Variants in MACROD1 observed in about 807,000 individuals in gnomAD.
MACROD1 encodes the protein ADP-ribose glycohydrolase MACROD1.
In MACROD1, 31 loss-of-function variants were observed where a neutral mutation model predicts 41.4. The observed-to-expected ratio is 0.75, with a 90% confidence interval of 0.56 to 1.01. MACROD1 has a LOEUF of 1.01. Ranked by LOEUF, MACROD1 falls within the 50% of genes least tolerant of loss-of-function variation. The probability of loss-of-function intolerance (pLI) is 0.00; values close to 1 mark genes in which losing one functional copy is unlikely to be tolerated. For synonymous variants in MACROD1, 252 were observed against 203.4 expected (o/e 1.24, Z -2.03); for missense variants, 473 against 460.0 (o/e 1.03, Z -0.26).
At chr11:64,029,476 C>A (rs1054098652) in intron 3 of MACROD1, among the ~76,000 whole-genome samples, 1 of 152,134 alleles carries the variant, frequency 6.6e-6, no homozygotes, top group Non-Finnish European at 1.5e-5. Flanking sequence ...TGTCTTGGGG[C>A]TGCCACCCTC....
At chr11:64,077,481 A>G (rs1944223810) in intron 3 of MACROD1, among the ~76,000 whole-genome samples, 1 of 151,708 alleles carries the variant, frequency 6.6e-6, no homozygotes, top group Admixed American at 6.6e-5. Flanking sequence ...CTCAGGACCC[A>G]GGTACTGATG....
chr11:64,050,791 G>T (rs1452741388), intron 3 of MACROD1, among the ~76,000 whole-genome samples: 1 of 152,204 alleles, frequency 6.6e-6, no homozygotes, highest in Non-Finnish European at 1.5e-5. Flanking sequence ...GCTAATTTTT[G>T]TATTTCTAGT....
In MACROD1 at chr11:63,999,030, G is replaced by A. The variant is rs1267939094; in HGVS notation, c.898C>T (p.Arg300Trp). The change falls in exon 9 of 11, where the codon CGG becomes TGG. Residue 300 changes from arginine (R) to tryptophan (W), a missense_variant. By Grantham distance (101) the Arg-to-Trp change is moderately radical (BLOSUM62 -3). Coordinates refer to ENST00000255681, the MANE Select transcript of MACROD1 (RefSeq NM_014067.4). ...WLEQHKDKVD[R>W]LIICVFLEKD... is the part of the protein sequence containing the mutation. The stretch of plus-strand genomic sequence containing the variant: ...TCGAGGAACACGCAGATGATCAGCC[G>A]GTCCACCTGCGCCAGGGGCTGCTCA... The A allele has an allele frequency of 2.5e-6, 4 of 1,603,406 alleles. No homozygotes were observed. The highest frequency in any genetic ancestry group is 3.4e-6 in the Non-Finnish European group (4 of 1,175,874).
intron 3 of MACROD1, among the ~76,000 whole-genome samples, chr11:64,034,022 C>T (rs891774850): frequency 6.6e-6 from 1 of 152,214 alleles, no homozygotes; most frequent in Non-Finnish European, 1.5e-5. Flanking sequence ...TACAATCATA[C>T]AATCCATTCC....
At chr11:64,135,749 C>T (rs1283313006) in intron 3 of MACROD1, among the ~76,000 whole-genome samples, 1 of 152,158 alleles carries the variant, frequency 6.6e-6, no homozygotes, top group African/African-American at 2.4e-5. Flanking sequence ...AAATGGCCAC[C>T]CAGCACATGT....
rs989543085 is a variant in MACROD1, at chr11:64,067,952, A to T, written c.518-52671T>A. ...AACCCATCCCCGTTACAATGCACTC[A>T]GGGACCCTGACAACTAATTTAATTT... On this transcript the variant is annotated intron_variant, in intron 3 of 10. Coordinates refer to ENST00000255681, the MANE Select transcript of MACROD1 (RefSeq NM_014067.4). The surrounding 1 kb of genome is among the most constrained non-coding windows in gnomAD (Gnocchi z 4.6). Among the ~76,000 whole-genome samples, 10 of 152,162 alleles carry T rather than the reference A, an allele frequency of 6.6e-5. No homozygotes were observed. The highest frequency in any genetic ancestry group is 1.5e-4 in the Non-Finnish European group (10 of 68,022).
At chr11:64,002,177 ATCTG>A (rs1942836747) in intron 4 of MACROD1, among the ~76,000 whole-genome samples, 2 of 152,050 alleles carry the variant, frequency 1.3e-5, no homozygotes, top group Non-Finnish European at 2.9e-5. Context: ...GAGCCCAGGG[ATCTG>A]TCTGAGCTGG....
chr11:63,999,343 C>G lies in MACROD1; in HGVS notation c.879G>C (p.Gln293His), dbSNP rs777604502. The change falls in exon 8 of 11, where the codon CAG becomes CAC. Residue 293 changes from glutamine (Q) to histidine (H), a missense_variant. Gln to His is a conservative substitution (Grantham distance 24). Transcript: ENST00000255681. ...GCCCAGGACTCACCTTGTCCTTGTG[C>G]TGCTCCAGCCACTCTCGCAGCGTGG... ...VLATLREWLE[Q>H]HKDKVDRLII... 6.4e-7 allele frequency: 1 copy of G among 1,568,250 alleles called. No individual in the cohort carries two copies. The highest frequency in any genetic ancestry group is 8.6e-7 in the Non-Finnish European group (1 of 1,163,046).
chr11:64,044,253 T>C (rs1047544367), intron 3 of MACROD1, among the ~76,000 whole-genome samples: 1 of 145,480 alleles, frequency 6.9e-6, no homozygotes, highest in Admixed American at 6.9e-5. Context: ...CCCAACAACT[T>C]TTTTTTTTTT....
chr11:64,010,733 A>ATG (rs1942998572), intron 4 of MACROD1, among the ~76,000 whole-genome samples: 1 of 107,034 alleles, frequency 9.3e-6, no homozygotes, highest in Non-Finnish European at 1.9e-5. Flanking sequence ...GTTGGTTGGC[A>ATG]TGTTGGTTGG....
chr11:64,050,410 G>T lies in MACROD1; in HGVS notation c.518-35129C>A, dbSNP rs1204898949. 2.6e-5 allele frequency among the ~76,000 whole-genome samples: 4 copies of T among 152,336 alleles called. No individual in the cohort carries two copies. In the East Asian group the frequency reaches 7.7e-4, roughly 29 times the overall value. On this transcript the variant is annotated intron_variant, in intron 3 of 10. Coordinates refer to ENST00000255681, the MANE Select transcript of MACROD1 (RefSeq NM_014067.4). Reference sequence around the variant, plus strand: ...TAGGGGTCCTGGGGCCAGGCCCTTGGCCAGCCCTCAGTGTGACAGTGGTGG... The same window carrying T: ...TAGGGGTCCTGGGGCCAGGCCCTTGTCCAGCCCTCAGTGTGACAGTGGTGG...
chr11:63,998,894 G>T, intron 9 of MACROD1, 22 bp from the exon 10 acceptor site: 1 of 1,595,160 alleles, frequency 6.3e-7, no homozygotes, highest in East Asian at 2.3e-5. Context: ...AGGACAGTGA[G>T]AGCCCGCCCC....
At position 64,067,772 on chromosome 11, in the gene MACROD1, A is replaced by G. The variant is rs1400722818; in HGVS notation, c.518-52491T>C. Among the ~76,000 whole-genome samples, 2 of 151,984 alleles carry G rather than the reference A, an allele frequency of 1.3e-5. No individual in the cohort carries two copies. Among genetic ancestry groups the G allele is most frequent in the East Asian group, 3.9e-4 (2 of 5,158 alleles). ...GCTTGTGAACTGGGGGTGGCCCCAG[A>G]GCTGTTTGTTTTCCCTGACTGAGGG... On this transcript the variant is annotated intron_variant, in intron 3 of 10. Coordinates refer to ENST00000255681, the MANE Select transcript of MACROD1 (RefSeq NM_014067.4). The surrounding 1 kb of genome is among the most constrained non-coding windows in gnomAD (Gnocchi z 4.6).
intron 3 of MACROD1, among the ~76,000 whole-genome samples, chr11:64,039,255 G>A (rs572926722): frequency 1.2e-3 from 182 of 152,222 alleles, no homozygotes; most frequent in African/African-American, 4.1e-3. Context: ...TGGGTGTGGC[G>A]AGGGTGCTAA....
At chr11:64,056,204 C>G (rs1382960600) in intron 3 of MACROD1, among the ~76,000 whole-genome samples, 1 of 152,238 alleles carries the variant, frequency 6.6e-6, no homozygotes, top group Admixed American at 6.5e-5. Flanking sequence ...GGTGTCTTTG[C>G]CCATTTGGCT....
intron 3 of MACROD1, among the ~76,000 whole-genome samples, chr11:64,141,936 C>A (rs1172889706): frequency 6.6e-6 from 1 of 152,188 alleles, no homozygotes; most frequent in Non-Finnish European, 1.5e-5. Flanking sequence ...CACTGTCCCC[C>A]TCTGGGCTTT....
In MACROD1 at chr11:64,165,979, G is replaced by A; in HGVS notation, c.16C>T (p.Arg6Ter). Residue 6 changes from arginine (R) to a stop codon, truncating the protein, a stop_gained, in exon 1 of 11, where the codon CGA becomes TGA. Coordinates refer to ENST00000255681, the MANE Select transcript of MACROD1 (RefSeq NM_014067.4). LOFTEE classifies it high-confidence loss of function. Reference sequence around the variant, plus strand: ...AGCTGTGCCAGGCGGCCGGACAGTCGGCTCTGTAGAGACATGAGCGGGCGG... The same window carrying A: ...AGCTGTGCCAGGCGGCCGGACAGTCAGCTCTGTAGAGACATGAGCGGGCGG... MSLQS[R>*]LSGRLAQLRA... 3 of 1,286,546 alleles carry A rather than the reference G, an allele frequency of 2.3e-6. No individual in the cohort carries two copies. The highest frequency in any genetic ancestry group is 2.9e-6 in the Non-Finnish European group (3 of 1,022,498). 79.7% of individuals were successfully genotyped at this position (1,286,546 alleles called of 1,614,324 possible).
At chr11:64,054,090 T>G (rs1167166086) in intron 3 of MACROD1, among the ~76,000 whole-genome samples, 1 of 151,984 alleles carries the variant, frequency 6.6e-6, no homozygotes, top group Non-Finnish European at 1.5e-5. Context: ...CGAATGGGGA[T>G]GAGGATCCCA....
intron 4 of MACROD1, chr11:64,009,265 A>G (rs952551110): frequency 8.5e-5 from 13 of 152,194 alleles, no homozygotes; most frequent in African/African-American, 3.1e-4. Flanking sequence ...TTGAGCCAGT[A>G]AAAGCTTTCC....
Sources: gnomAD v4.1 joint callset for allele counts (sites outside exome capture counted in the v4.1 genomes callset) on GRCh38, gnomAD v4.1.1 for gene constraint, Gnocchi (gnomAD v3.1) non-coding constraint, MANE v1.5 for transcripts, NCBI Gene and HGNC (gene_info 2026-07-23, HGNC 2026-07-21) for gene names.